Variants in GUCY2F observed in about 807,000 individuals in gnomAD.
GUCY2F encodes guanylate cyclase 2F, retinal, also known as retinal guanylyl cyclase 2.
GUCY2F carries 61 observed loss-of-function variants against 73.1 expected under a neutral mutation model. The observed-to-expected ratio is 0.83, with a 90% confidence interval of 0.68 to 1.03. The LOEUF (loss-of-function observed/expected upper bound fraction) is 1.03. GUCY2F is among the 50% of genes least tolerant of loss of function. The probability of loss-of-function intolerance (pLI) is 0.00; values close to 1 mark genes in which losing one functional copy is unlikely to be tolerated. For missense variants in GUCY2F, 912 were observed against 854.3 expected (o/e 1.07, Z -0.84); for synonymous variants, 331 against 307.8 (o/e 1.08, Z -0.79).
At position 109,448,069 on chromosome X, in the gene GUCY2F, CT is replaced by C; in HGVS notation, c.1568del (p.Lys523ArgfsTer8). On this transcript the variant is annotated frameshift_variant and splice_region_variant, in exon 6 of 20. Transcript: ENST00000218006. LOFTEE classifies it high-confidence loss of function. ...VTFINPHFGS[K>X]RGSRASVSFQ... The stretch of plus-strand genomic sequence containing the variant: ...AGCAAAAGAAGAGGATACTCCTTAC[CT>C]TACTGCCAAAGTGGGGATTGATAAA... The C allele has an allele frequency of 2.0e-6, 2 of 977,517 alleles. No individual in the cohort carries two copies. The highest frequency in any genetic ancestry group is 2.9e-6 in the Non-Finnish European group (2 of 682,624). 80.6% of individuals were successfully genotyped at this position (977,517 alleles called of 1,213,427 possible).
intron 8 of GUCY2F, among the ~76,000 whole-genome samples, chrX:109,410,253 C>A (rs2147261339): frequency 8.9e-6 from 1 of 112,340 alleles, no homozygotes; most frequent in Non-Finnish European, 1.9e-5. Context: ...TCTCTTTTAG[C>A]ATAATTATAA....
intron 2 of GUCY2F, among the ~76,000 whole-genome samples, chrX:109,470,880 C>T (rs759520092): frequency 2.0e-3 from 219 of 111,673 alleles, no homozygotes; most frequent in African/African-American, 7.0e-3. Flanking sequence ...AGTTATTTAA[C>T]CCCTTTTAGC....
intron 17 of GUCY2F, 140 bp downstream of exon 17, chrX:109,381,978 C>A: frequency 2.5e-6 from 1 of 399,023 alleles, no homozygotes; most frequent in Non-Finnish European, 4.5e-6. Context: ...CTTTTGGGAA[C>A]CCCAAATGGG....
At chrX:109,379,683 C>T (rs595679) in intron 17 of GUCY2F, among the ~76,000 whole-genome samples, 25,989 of 111,474 alleles carry the variant, frequency 0.23, 2,678 homozygotes, top group East Asian at 0.7. Flanking sequence ...AGCAAGGAGC[C>T]CCACACTTGT....
At chrX:109,467,414 AT>A (rs1242708544) in intron 2 of GUCY2F, among the ~76,000 whole-genome samples, 2 of 112,334 alleles carry the variant, frequency 1.8e-5, no homozygotes, top group African/African-American at 6.5e-5. Context: ...AGATTGAGTG[AT>A]TTGTTCAAGG....
rs200097981 is a variant in GUCY2F at position 109,435,634 on chromosome X, G to A, written c.1702-5238C>T. On this transcript the variant is annotated intron_variant, in intron 7 of 19. Coordinates refer to ENST00000218006, the MANE Select transcript of GUCY2F (RefSeq NM_001522.3). ...TACCCTTTATTTCCTTCTCCTGCCT[G>A]ATTGCCCTGGCCAGAACTTCCAACA... Among the ~76,000 whole-genome samples the A allele has an allele frequency of 4.6e-5, 5 of 108,756 alleles. No homozygotes were observed. The East Asian group carries it at 8.6e-4, about 19-fold the overall frequency. 94.4% of individuals were successfully genotyped at this position (108,756 alleles called of 115,157 possible).
At chrX:109,428,867 G>A (rs186659773) in intron 8 of GUCY2F, among the ~76,000 whole-genome samples, 1 of 111,808 alleles carries the variant, frequency 8.9e-6, no homozygotes, top group East Asian at 2.8e-4. Context: ...AATTATTATT[G>A]AAGCTTTTTG....
intron 2 of GUCY2F, among the ~76,000 whole-genome samples, chrX:109,473,286 C>T (rs1932611765): frequency 1.8e-5 from 2 of 111,824 alleles, no homozygotes; most frequent in South Asian, 7.5e-4. Flanking sequence ...TCTGCATCCT[C>T]AAAATTTCCA....
chrX:109,386,215 G>A (rs1478989881), intron 15 of GUCY2F, among the ~76,000 whole-genome samples: 1 of 112,072 alleles, frequency 8.9e-6, no homozygotes, highest in Admixed American at 9.5e-5. Context: ...TATCAAAGAG[G>A]AAGCAATTAA....
intron 17 of GUCY2F, among the ~76,000 whole-genome samples, chrX:109,378,634 C>A (rs1423206289): frequency 9.0e-6 from 1 of 111,384 alleles, no homozygotes; most frequent in Non-Finnish European, 1.9e-5. Flanking sequence ...CATGCTCATA[C>A]ACACACTGCT....
At chrX:109,474,068 C>T (rs1270705582) in intron 2 of GUCY2F, among the ~76,000 whole-genome samples, 1 of 111,912 alleles carries the variant, frequency 8.9e-6, no homozygotes, top group African/African-American at 3.2e-5. Flanking sequence ...ACTCCTCTTG[C>T]CCTCATCCTC....
In GUCY2F at chrX:109,453,821, G is replaced by A. The variant is rs897415950; in HGVS notation, c.1071C>T (p.Tyr357=). ...PLFGTIYNSI[Y]FIAQAMNNAM... is the part of the protein sequence containing the mutation. Reference sequence around the variant, plus strand: ...CATTATTCATGGCTTGTGCGATAAAGTAAATTGAATTGTAGATGGTTCCAA... The same window carrying A: ...CATTATTCATGGCTTGTGCGATAAAATAAATTGAATTGTAGATGGTTCCAA... The change falls in exon 4 of 20, where the codon TAC becomes TAT. Residue 357 remains tyrosine, a synonymous_variant. Coordinates refer to ENST00000218006, the MANE Select transcript of GUCY2F (RefSeq NM_001522.3). The A allele has an allele frequency of 8.4e-7, 1 of 1,194,322 alleles. No homozygotes were observed. The highest frequency in any genetic ancestry group is 3.0e-5 in the East Asian group (1 of 33,728).
chrX:109,391,939 G>A lies in GUCY2F; in HGVS notation c.2753C>T (p.Ala918Val). The A allele has an allele frequency of 8.3e-7, 1 of 1,199,405 alleles. No individual in the cohort carries two copies. Among genetic ancestry groups the A allele is most frequent in the East Asian group, 3.0e-5 (1 of 33,600 alleles). ...GTAGACATCATGACTGCCAATTATT[G>A]CATCAAAGAGTGTGTACAGGTCATT... ...LLNDLYTLFD[A>V]IIGSHDVYKV... The change falls in exon 14 of 20, where the codon GCA becomes GTA. Residue 918 changes from alanine to valine, a missense_variant. Coordinates refer to ENST00000218006, the MANE Select transcript of GUCY2F (RefSeq NM_001522.3).
At chrX:109,386,371 G>C (rs1930436540) in intron 15 of GUCY2F, among the ~76,000 whole-genome samples, 1 of 111,389 alleles carries the variant, frequency 9.0e-6, no homozygotes, top group Non-Finnish European at 1.9e-5. Context: ...TCTAGGTCTT[G>C]ATGGGTGAGT....
intron 2 of GUCY2F, among the ~76,000 whole-genome samples, chrX:109,471,203 A>G (rs1296672136): frequency 8.9e-6 from 1 of 112,219 alleles, no homozygotes; most frequent in East Asian, 2.8e-4. Flanking sequence ...GTAATGAAGC[A>G]TTCCCAATTT....
intron 8 of GUCY2F, among the ~76,000 whole-genome samples, chrX:109,412,451 G>A (rs1931134068): frequency 1.8e-5 from 2 of 111,529 alleles, no homozygotes. Context: ...TAAGGGCCTG[G>A]CACCCATGAC....
chrX:109,429,050 A>G (rs1233541291), intron 8 of GUCY2F, among the ~76,000 whole-genome samples: 4 of 111,833 alleles, frequency 3.6e-5, no homozygotes, highest in Non-Finnish European at 5.6e-5. Context: ...TCTGACCTTG[A>G]TCCCCCTTCT....
chrX:109,417,664 T>C (rs1931276942), intron 8 of GUCY2F, among the ~76,000 whole-genome samples: 1 of 111,005 alleles, frequency 9.0e-6, no homozygotes, highest in Admixed American at 9.6e-5. Flanking sequence ...GCCTTAAATG[T>C]AAGTAGCCTA....
chrX:109,435,261 A>G (rs1303112766), intron 7 of GUCY2F, among the ~76,000 whole-genome samples: 4 of 110,173 alleles, frequency 3.6e-5, no homozygotes, highest in Non-Finnish European at 7.6e-5. Flanking sequence ...ATCCATGAGC[A>G]TGGAATGTTC....
Sources: gnomAD v4.1 joint callset for allele counts (sites outside exome capture counted in the v4.1 genomes callset) on GRCh38, gnomAD v4.1.1 for gene constraint, MANE v1.5 for transcripts, NCBI Gene and HGNC (gene_info 2026-07-23, HGNC 2026-07-21) for gene names.